The following GNL3L variants were observed in gnomAD, a reference collection of about 807,000 sequenced individuals.
GNL3L encodes the protein G protein nucleolar 3 like, also known as guanine nucleotide-binding protein-like 3-like protein.
GNL3L carries 4 observed loss-of-function variants against 42.9 expected under a neutral mutation model. The observed-to-expected ratio is 0.09, with a 90% CI of 0.05 to 0.21. GNL3L has a LOEUF of 0.21. GNL3L is among the 10% of genes least tolerant of loss of function. GNL3L has a pLI of 1.00. For missense variants in GNL3L, 412 were observed against 481.7 expected (o/e 0.86, Z 1.36); for synonymous variants, 159 against 176.3 (o/e 0.90, Z 0.78).
intron 16 of GNL3L, among the ~76,000 whole-genome samples, chrX:54,581,292 C>T (rs915561920): frequency 8.9e-5 from 10 of 111,972 alleles, no homozygotes; most frequent in Admixed American, 1.9e-4. Flanking sequence ...AGTGCTGAGG[C>T]GCTCTCTTGG....
intron 16 of GNL3L, among the ~76,000 whole-genome samples, chrX:54,607,366 A>G (rs1402901628): frequency 9.7e-6 from 1 of 102,818 alleles, no homozygotes; most frequent in Non-Finnish European, 2.0e-5. Context: ...TTGTTGCTGA[A>G]TTGAAAGAAA....
At position 54,601,044 on chromosome X, in the gene GNL3L, T is replaced by C. The variant is rs1242482050; in HGVS notation, c.*46-19801T>C. Among the ~76,000 whole-genome samples, 17 of 112,309 alleles carry C rather than the reference T, an allele frequency of 1.5e-4. No individual in the cohort carries two copies. The Admixed American group carries it at 1.6e-3, about 11-fold the overall frequency. ...ATAGGAAATGATGTATTGATCATGC[T>C]ACAACATGGATAAACCTTGATACAT... On this transcript the variant is annotated intron_variant, in intron 16 of 16. Transcript: ENST00000674498.
intron 16 of GNL3L, among the ~76,000 whole-genome samples, chrX:54,578,557 T>C (rs1470586385): frequency 2.7e-5 from 3 of 112,419 alleles, no homozygotes; most frequent in Non-Finnish European, 5.6e-5. Context: ...ATACATGGAA[T>C]CATAAAGTAT....
At chrX:54,580,588 G>A (rs1391883270) in intron 16 of GNL3L, among the ~76,000 whole-genome samples, 1 of 110,728 alleles carries the variant, frequency 9.0e-6, no homozygotes, top group East Asian at 2.9e-4. Context: ...GACTTCCAGT[G>A]TGGTTGAACT....
chrX:54,532,859 A>G (rs1924297387), intron 2 of GNL3L, among the ~76,000 whole-genome samples: 1 of 111,102 alleles, frequency 9.0e-6, no homozygotes, highest in East Asian at 2.8e-4. Flanking sequence ...GAGTTTCACC[A>G]TGTTGGCCAG....
chrX:54,550,595 A>G (rs929533045), intron 9 of GNL3L, among the ~76,000 whole-genome samples: 1 of 111,412 alleles, frequency 9.0e-6, no homozygotes, highest in African/African-American at 3.3e-5. Context: ...ATCCCCATCC[A>G]TGGAATGATA....
Position 54,540,259 on chromosome X carries a change from G to T in GNL3L, c.189+17G>T. On this transcript the variant is annotated intron_variant, in intron 4 of 15. Coordinates refer to ENST00000360845, the MANE Select transcript of GNL3L (RefSeq NM_001184819.2). ...AAGAAGTGGGTAAGCTTTTTGCCTT[G>T]GTGGGGAGAGAGAGGGCCTGCCTTG... The T allele has an allele frequency of 1.9e-6, 2 of 1,045,282 alleles. No individual in the cohort carries two copies. Among genetic ancestry groups the T allele is most frequent in the Non-Finnish European group, 2.7e-6 (2 of 745,418 alleles). The allele number at this position is 1,045,282 out of a possible 1,213,427, so 86.1% of individuals were successfully genotyped here. A position where few individuals can be genotyped will look rare whatever the true frequency, so the allele number is the denominator to read the frequency against.
At chrX:54,553,123 A>G (rs1924993996) in intron 13 of GNL3L, among the ~76,000 whole-genome samples, 2 of 112,697 alleles carry the variant, frequency 1.8e-5, no homozygotes, top group Admixed American at 1.9e-4. Context: ...AAAGACATTT[A>G]GAACAACAGT....
At chrX:54,620,244 A>G (rs1248470210) in intron 16 of GNL3L, among the ~76,000 whole-genome samples, 1 of 110,675 alleles carries the variant, frequency 9.0e-6, no homozygotes, top group Non-Finnish European at 1.9e-5. Flanking sequence ...TTTATTTTGT[A>G]CCCATTAACC....
chrX:54,619,593 C>T (rs1432543072), intron 16 of GNL3L, among the ~76,000 whole-genome samples: 2 of 110,516 alleles, frequency 1.8e-5, no homozygotes, highest in Non-Finnish European at 3.8e-5. Flanking sequence ...TGGGCTCAAG[C>T]AATCCTCTTG....
At chrX:54,594,541 CTTTT>C (rs766441455) in intron 16 of GNL3L, among the ~76,000 whole-genome samples, 64 of 95,142 alleles carry the variant, frequency 6.7e-4, no homozygotes, top group Middle Eastern at 0.012. Context: ...ATCATTGGGC[CTTTT>C]TTTTTTTTTA....
intron 8 of GNL3L, among the ~76,000 whole-genome samples, chrX:54,547,083 G>T (rs1924797027): frequency 2.0e-5 from 2 of 100,307 alleles, no homozygotes; most frequent in South Asian, 9.4e-4. Context: ...TGCAACCTCT[G>T]CCTCCCGGGT....
At chrX:54,624,047 A>G (rs1254433147), downstream of GNL3L, among the ~76,000 whole-genome samples, 2 of 110,709 alleles carry the variant, frequency 1.8e-5, no homozygotes, top group Non-Finnish European at 3.8e-5. Context: ...CAGCCCTCTG[A>G]GTAGCCGGGA....
chrX:54,607,061 T>TCTTTC lies in GNL3L; in HGVS notation c.*46-13784_*46-13783insCTTTC, dbSNP rs1569542608. Among the ~76,000 whole-genome samples, 64 of 48,423 alleles carry TCTTTC rather than the reference T, an allele frequency of 1.3e-3. 7 individuals are homozygous for TCTTTC. Among genetic ancestry groups the TCTTTC allele is most frequent in the African/African-American group, 7.1e-3 (63 of 8,914 alleles). 42.0% of individuals were successfully genotyped at this position (48,423 alleles called of 115,157 possible). On this transcript the variant is annotated intron_variant, in intron 16 of 16. Coordinates refer to the GNL3L transcript ENST00000674498. ...CTTTCTTTCTTTCTTTCTTTCTTTC[T>TCTTTC]TTCTTTCTTTCTCTTTCTTTCTTCT...
At chrX:54,577,744 T>C (rs964419270) in intron 16 of GNL3L, among the ~76,000 whole-genome samples, 1 of 110,901 alleles carries the variant, frequency 9.0e-6, no homozygotes, top group Non-Finnish European at 1.9e-5. Flanking sequence ...GATGGCAGAA[T>C]TTCCCTTTTT....
At chrX:54,555,974 C>T (rs185977350) in intron 14 of GNL3L, among the ~76,000 whole-genome samples, 12 of 110,396 alleles carry the variant, frequency 1.1e-4, no homozygotes, top group South Asian at 3.8e-4. Flanking sequence ...TCCATCTCTG[C>T]CCTTGAGGAG....
intron 16 of GNL3L, among the ~76,000 whole-genome samples, chrX:54,578,847 G>C (rs1925668585): frequency 8.9e-6 from 1 of 112,309 alleles, no homozygotes; most frequent in Non-Finnish European, 1.9e-5. Context: ...ATGTATGGGA[G>C]TTCCAGTTTG....
At chrX:54,634,310 C>T in the GNL3L span, among the ~76,000 whole-genome samples, 28,067 of 109,999 alleles carry the variant, frequency 0.26, 6,561 homozygotes, top group African/African-American at 0.76. Context: ...TTTTCCTTTC[C>T]TTTTTTTTGA....
chrX:54,639,590 C>A, the GNL3L span, among the ~76,000 whole-genome samples: 1 of 112,046 alleles, frequency 8.9e-6, no homozygotes, highest in Admixed American at 9.4e-5. Flanking sequence ...GAGCCTTGAG[C>A]TTTGCAGCTT....
Sources: gnomAD v4.1 joint callset for allele counts (sites outside exome capture counted in the v4.1 genomes callset) on GRCh38, gnomAD v4.1.1 for gene constraint, MANE v1.5 for transcripts, NCBI Gene and HGNC (gene_info 2026-07-23, HGNC 2026-07-21) for gene names.